GNB1: variants seen among roughly 807,000 people sequenced by gnomAD.
The protein encoded by GNB1 is guanine nucleotide-binding protein G(I)/G(S)/G(T) subunit beta-1.
In GNB1, 2 loss-of-function variants were observed where a neutral mutation model predicts 42.9. The observed-to-expected ratio is 0.05, with a 90% CI of 0.02 to 0.15. The LOEUF (loss-of-function observed/expected upper bound fraction) is 0.15. Ranked by LOEUF, GNB1 falls within the 10% of genes least tolerant of loss-of-function variation. The pLI is 1.00. For synonymous variants in GNB1, 183 were observed against 174.7 expected, an observed-to-expected ratio of 1.05 and a Z score of -0.38; for missense variants, 193 against 462.2, an observed-to-expected ratio of 0.42 and a Z score of 5.34.
chr1:1,804,210 T>C (rs1193854360), intron 7 of GNB1, among the ~76,000 whole-genome samples: 1 of 150,658 alleles, frequency 6.6e-6, no homozygotes, highest in Non-Finnish European at 1.5e-5. Flanking sequence ...GGCAGGGGAA[T>C]GGCGTGAACA....
chr1:1,862,738 C>A (rs1454842247), intron 1 of GNB1, among the ~76,000 whole-genome samples: 2 of 152,134 alleles, frequency 1.3e-5, no homozygotes, highest in Non-Finnish European at 2.9e-5. Context: ...GGACTACAGG[C>A]ACAATCCACT....
chr1:1,882,176 C>T (rs1227723220), intron 1 of GNB1, among the ~76,000 whole-genome samples: 1 of 152,172 alleles, frequency 6.6e-6, no homozygotes, highest in Non-Finnish European at 1.5e-5. Context: ...GGGCCAGGCA[C>T]AGTGGCTCAC....
intron 2 of GNB1, among the ~76,000 whole-genome samples, chr1:1,833,387 G>A (rs542154407): frequency 2.8e-4 from 43 of 152,020 alleles, no homozygotes; most frequent in Non-Finnish European, 5.4e-4. Context: ...AAAGGGCAAC[G>A]GAAAAAGTCC....
intron 2 of GNB1, among the ~76,000 whole-genome samples, chr1:1,832,981 G>A (rs1046153260): frequency 6.6e-6 from 1 of 152,136 alleles, no homozygotes; most frequent in Non-Finnish European, 1.5e-5. Flanking sequence ...AAACTATGAC[G>A]TGTACCTTTG....
intron 1 of GNB1, among the ~76,000 whole-genome samples, chr1:1,853,435 G>A (rs893660944): frequency 1.3e-5 from 2 of 152,084 alleles, no homozygotes; most frequent in African/African-American, 4.8e-5. Flanking sequence ...AGACAACTTT[G>A]GTGGTCTCTG....
intron 1 of GNB1, among the ~76,000 whole-genome samples, chr1:1,840,043 T>TA (rs34674637): frequency 0.16 from 22,775 of 141,168 alleles, 1,886 homozygotes; most frequent in Middle Eastern, 0.3. Context: ...GGCAGCGAAC[T>TA]AAAAAAAAAA....
intron 2 of GNB1, among the ~76,000 whole-genome samples, chr1:1,828,500 CTA>C (rs1410201586): frequency 6.6e-6 from 1 of 152,068 alleles, no homozygotes; most frequent in Non-Finnish European, 1.5e-5. Context: ...TTGCTTGAGA[CTA>C]GAGAAACAAA....
intron 2 of GNB1, among the ~76,000 whole-genome samples, chr1:1,825,842 G>C (rs1434515778): frequency 6.6e-6 from 1 of 150,850 alleles, no homozygotes; most frequent in African/African-American, 2.4e-5. Flanking sequence ...TCCAGCCCGG[G>C]CTTCACAGCA....
chr1:1,789,705 A>G (rs548583484), intron 9 of GNB1, among the ~76,000 whole-genome samples: 2 of 151,486 alleles, frequency 1.3e-5, no homozygotes, highest in East Asian at 3.9e-4. Context: ...CAAAAAAAAA[A>G]AAAAAAGGGT....
At chr1:1,853,578 ACTTAG>A (rs1350564745) in intron 1 of GNB1, among the ~76,000 whole-genome samples, 2 of 152,096 alleles carry the variant, frequency 1.3e-5, no homozygotes, top group East Asian at 1.9e-4. Flanking sequence ...TGCTTCCAAA[ACTTAG>A]CTTATTTCCT....
intron 2 of GNB1, among the ~76,000 whole-genome samples, chr1:1,829,517 C>T (rs1371086926): frequency 6.6e-6 from 1 of 152,156 alleles, no homozygotes; most frequent in East Asian, 1.9e-4. Flanking sequence ...GACGAGAAAA[C>T]GTGACCATCA....
At chr1:1,857,202 C>CTGGG (rs1023782467) in intron 1 of GNB1, among the ~76,000 whole-genome samples, 33 of 152,134 alleles carry the variant, frequency 2.2e-4, no homozygotes, top group African/African-American at 7.2e-4. Flanking sequence ...AAGGTTCTCA[C>CTGGG]TGGGAAGTGG....
chr1:1,810,025 G>C (rs991801792), intron 5 of GNB1, among the ~76,000 whole-genome samples: 1 of 151,912 alleles, frequency 6.6e-6, no homozygotes, highest in Non-Finnish European at 1.5e-5. Flanking sequence ...TTAAGTCCAG[G>C]AGTTTGAAAC....
Position 1,862,283 on chromosome 1 carries a change from T to C in GNB1, c.-95-23045A>G, listed in dbSNP as rs77898972. On this transcript the variant is annotated intron_variant, in intron 1 of 11. Coordinates refer to ENST00000378609, the MANE Select transcript of GNB1 (RefSeq NM_002074.5). ...AGCAACGTGGCAGTCCCATGTACCA[T>C]GAATTGGAGGATGAAGAGCCACTAA... Among the ~76,000 whole-genome samples, 817 of 152,230 alleles carry C rather than the reference T, an allele frequency of 5.4e-3. 10 individuals are homozygous for C. Among genetic ancestry groups the C allele is most frequent in the African/African-American group, 0.019 (780 of 41,520 alleles).
At chr1:1,856,848 A>C (rs1197802058) in intron 1 of GNB1, among the ~76,000 whole-genome samples, 2 of 152,244 alleles carry the variant, frequency 1.3e-5, no homozygotes, top group East Asian at 3.8e-4. Flanking sequence ...ATTTCATTTA[A>C]AACAAAAAAT....
chr1:1,832,559 G>C lies in GNB1; in HGVS notation c.-47+6631C>G, dbSNP rs182401743. On this transcript the variant is annotated intron_variant, in intron 2 of 11. Transcript: ENST00000378609. Reference sequence around the variant, plus strand: ...CCCTACTTTAGAACAACATCTTTGTGAGTCAAGTGTTAGCAAGATTTTTAA... The same window carrying C: ...CCCTACTTTAGAACAACATCTTTGTCAGTCAAGTGTTAGCAAGATTTTTAA... 2.4e-3 allele frequency among the ~76,000 whole-genome samples: 371 copies of C among 152,350 alleles called. 2 individuals are homozygous for C. Among genetic ancestry groups the C allele is most frequent in the African/African-American group, 8.0e-3 (332 of 41,584 alleles).
chr1:1,876,572 T>C (rs901352710), intron 1 of GNB1, among the ~76,000 whole-genome samples: 7 of 150,950 alleles, frequency 4.6e-5, no homozygotes, highest in African/African-American at 1.7e-4. Flanking sequence ...CATGCAAAAA[T>C]GGGGTCTCAC....
At chr1:1,847,680 C>T (rs999422080) in intron 1 of GNB1, among the ~76,000 whole-genome samples, 2 of 152,176 alleles carry the variant, frequency 1.3e-5, no homozygotes, top group East Asian at 1.9e-4. Flanking sequence ...CTGAAACAAT[C>T]AACTCCTGCT....
intron 7 of GNB1, among the ~76,000 whole-genome samples, chr1:1,797,581 G>A (rs1284869762): frequency 6.6e-6 from 1 of 152,122 alleles, no homozygotes; most frequent in East Asian, 1.9e-4. Context: ...GGGACTACAG[G>A]CACCTGCCAC....
Sources: allele counts gnomAD v4.1 joint callset (sites outside exome capture counted in the v4.1 genomes callset), GRCh38; gene constraint gnomAD v4.1.1; transcripts MANE v1.5; gene names NCBI Gene and HGNC (gene_info 2026-07-23, HGNC 2026-07-21).